NPSR1: variants seen among roughly 807,000 people sequenced by gnomAD.
The protein encoded by NPSR1 is neuropeptide S receptor 1, also known as neuropeptide S receptor.
In NPSR1, 48 loss-of-function variants were observed where a neutral mutation model predicts 46.9. That is an observed-to-expected ratio of 1.02 (90% confidence interval 0.81 to 1.30). The LOEUF (loss-of-function observed/expected upper bound fraction) is 1.30. Among genes scored for constraint, NPSR1 ranks in the 50% most tolerant of loss-of-function variants. The pLI is 0.00. For synonymous variants in NPSR1, 176 were observed against 168.1 expected (o/e 1.05, Z -0.36); for missense variants, 450 against 449.5 (o/e 1.00, Z -0.01).
chr7:34,751,777 C>G, intron 2 of NPSR1: 2 of 1,588,402 alleles, frequency 1.3e-6, no homozygotes, highest in South Asian at 2.2e-5. Context: ...CTGTTTTGCA[C>G]AGCCCTGCCA....
At chr7:34,803,280 C>G (rs906272180) in intron 3 of NPSR1, among the ~76,000 whole-genome samples, 3 of 151,808 alleles carry the variant, frequency 2.0e-5, no homozygotes, top group African/African-American at 7.3e-5. Context: ...ATGTTTATTG[C>G]GGCACTATTC....
intron 3 of NPSR1, among the ~76,000 whole-genome samples, chr7:34,789,838 GA>G (rs1787647822): frequency 1.3e-5 from 2 of 151,010 alleles, no homozygotes; most frequent in African/African-American, 4.9e-5. Context: ...TGAAGGAATG[GA>G]AAATCTGAAC....
intron 1 of NPSR1, among the ~76,000 whole-genome samples, chr7:34,666,697 C>T (rs917932971): frequency 1.6e-4 from 25 of 152,086 alleles, no homozygotes; most frequent in Non-Finnish European, 2.6e-4. Flanking sequence ...AAGTGTAATA[C>T]GACATTGACA....
intron 2 of NPSR1, among the ~76,000 whole-genome samples, chr7:34,776,094 C>A (rs1786943914): frequency 6.6e-6 from 1 of 151,858 alleles, no homozygotes. Flanking sequence ...AGAGATGATG[C>A]TTCATATTAT....
At chr7:34,768,877 T>TGA (rs1175029587) in intron 2 of NPSR1, among the ~76,000 whole-genome samples, 7 of 152,148 alleles carry the variant, frequency 4.6e-5, no homozygotes, top group African/African-American at 1.7e-4. Context: ...AGTATTGAGA[T>TGA]GTTCTGAATG....
intron 6 of NPSR1, among the ~76,000 whole-genome samples, chr7:34,836,274 A>C: frequency 6.6e-6 from 1 of 152,206 alleles, no homozygotes; most frequent in South Asian, 2.1e-4. Context: ...TTTGTCCAAA[A>C]AAAAAATTGG....
chr7:34,875,837 C>T lies in NPSR1; in HGVS notation c.1026-2239C>T, dbSNP rs149678728. 1.2e-3 allele frequency among the ~76,000 whole-genome samples: 186 copies of T among 151,320 alleles called. 1 individual carries two copies. Among genetic ancestry groups the T allele is most frequent in the African/African-American group, 3.6e-3 (148 of 40,836 alleles). ...AATGGCAGAAACTAGTCAAATGGAC[C>T]AGGAAATGATTAAGAGACAAAAGTC... On this transcript the variant is annotated intron_variant, in intron 8 of 8. Coordinates refer to the NPSR1 transcript ENST00000359791.
At chr7:34,757,165 T>A (rs1355378218) in intron 2 of NPSR1, among the ~76,000 whole-genome samples, 1 of 152,174 alleles carries the variant, frequency 6.6e-6, no homozygotes, top group African/African-American at 2.4e-5. Flanking sequence ...AATTATCTAA[T>A]TATATTATTC....
In NPSR1 at chr7:34,868,692, C is replaced by T. The variant is rs546010025; in HGVS notation, c.1026-9384C>T. 8.6e-5 allele frequency among the ~76,000 whole-genome samples: 13 copies of T among 151,816 alleles called. No homozygotes were observed. The East Asian group carries it at 1.7e-3, about 20-fold the overall frequency. On this transcript the variant is annotated intron_variant, in intron 8 of 8. Transcript: ENST00000359791. ...CTTCTCCTCAAAATAAGAGGGGCAG[C>T]TCTCACAGTATTGTAGTCTTGGTCA... is the stretch of plus-strand genomic sequence containing the variant.
intron 6 of NPSR1, 106 bp from the exon 7 acceptor site, chr7:34,844,790 G>A (rs774978606): frequency 1.3e-6 from 1 of 789,556 alleles, no homozygotes; most frequent in Non-Finnish European, 2.3e-6. Flanking sequence ...AAATGCACAG[G>A]ATATAAGTGA....
At chr7:34,717,097 A>G (rs1408240223) in intron 2 of NPSR1, among the ~76,000 whole-genome samples, 2 of 152,222 alleles carry the variant, frequency 1.3e-5, no homozygotes, top group African/African-American at 4.8e-5. Flanking sequence ...GCTAAAATAC[A>G]AAATTTCCAG....
intron 2 of NPSR1, among the ~76,000 whole-genome samples, chr7:34,714,661 C>T (rs894625421): frequency 5.3e-5 from 8 of 152,160 alleles, no homozygotes; most frequent in Non-Finnish European, 1.0e-4. Context: ...GAGCTCCAAG[C>T]TGGGCTCATT....
chr7:34,793,390 G>A (rs1023098008), intron 3 of NPSR1, among the ~76,000 whole-genome samples: 4 of 151,810 alleles, frequency 2.6e-5, no homozygotes, highest in Admixed American at 2.6e-4. Context: ...CCAAAAAATG[G>A]GCAAATGACC....
chr7:34,713,997 T>C (rs1783429403), intron 2 of NPSR1, among the ~76,000 whole-genome samples: 2 of 152,264 alleles, frequency 1.3e-5, no homozygotes, highest in Admixed American at 1.3e-4. Context: ...TTCATATTTC[T>C]GAGGGTCAAG....
rs1486963216 is a variant in NPSR1 at position 34,759,620 on chromosome 7, C to G, written c.281-18842C>G. Reference sequence around the variant, plus strand: ...GCCATCTCCAATGAGCCAAGTAAAACCATGGCATATTTAAGAGAAAGGGCC... The same window carrying G: ...GCCATCTCCAATGAGCCAAGTAAAAGCATGGCATATTTAAGAGAAAGGGCC... On this transcript the variant is annotated intron_variant, in intron 2 of 8. Transcript: ENST00000360581. 7.1e-3 allele frequency among the ~76,000 whole-genome samples: 1,084 copies of G among 152,272 alleles called. 11 individuals carry two copies. The highest frequency in any genetic ancestry group is 0.025 in the African/African-American group (1,023 of 41,530).
At chr7:34,841,754 C>A (rs768835865) in intron 6 of NPSR1, among the ~76,000 whole-genome samples, 1 of 152,106 alleles carries the variant, frequency 6.6e-6, no homozygotes, top group African/African-American at 2.4e-5. Flanking sequence ...GGAAGCACTG[C>A]GGGTTTCCAT....
rs2128765582 is a variant in NPSR1 at position 34,849,952 on chromosome 7, G to A, written c.*297G>A. ...TGAACACAGGCATTAGTGGTCCAGG[G>A]TCCTGGCTTGGAGCCAGTGAGTAGA... On this transcript the variant is annotated 3_prime_UTR_variant, in exon 9 of 9. Coordinates refer to ENST00000360581, the MANE Select transcript of NPSR1 (RefSeq NM_207172.2). The A allele has an allele frequency of 1.8e-6, 2 of 1,134,726 alleles. No homozygotes were observed. The highest frequency in any genetic ancestry group is 8.8e-5 in the Admixed American group (2 of 22,716). 70.3% of individuals were successfully genotyped at this position (1,134,726 alleles called of 1,614,324 possible).
chr7:34,698,982 G>A (rs1005540568), intron 2 of NPSR1, among the ~76,000 whole-genome samples: 1 of 152,150 alleles, frequency 6.6e-6, no homozygotes, highest in Non-Finnish European at 1.5e-5. Flanking sequence ...AAATCTTCAT[G>A]ATTTTCAGAT....
intron 2 of NPSR1, among the ~76,000 whole-genome samples, chr7:34,701,756 A>G (rs996315053): frequency 6.6e-6 from 1 of 152,190 alleles, no homozygotes; most frequent in African/African-American, 2.4e-5. Context: ...AGGGAGAATA[A>G]TAAGAACTAA....
Sources: allele counts gnomAD v4.1 joint callset (sites outside exome capture counted in the v4.1 genomes callset), GRCh38; gene constraint gnomAD v4.1.1; transcripts MANE v1.5; gene names NCBI Gene and HGNC (gene_info 2026-07-23, HGNC 2026-07-21).